Variants in ASIC2 observed in about 807,000 individuals in gnomAD.
The protein encoded by ASIC2 is acid-sensing ion channel 2.
Under a neutral mutation model 57.3 loss-of-function variants are expected in ASIC2, and 25 were observed. The ratio of observed to expected loss-of-function variants is 0.44; its 90% confidence interval spans 0.32 to 0.61. ASIC2 has a LOEUF of 0.61. ASIC2 is among the 20% of genes least tolerant of loss of function. ASIC2 has a pLI of 0.06. For synonymous variants in ASIC2, 319 were observed against 307.5 expected (o/e 1.04, Z -0.39); for missense variants, 641 against 738.1 (o/e 0.87, Z 1.52).
At position 33,023,710 on chromosome 17, in the gene ASIC2, A is replaced by G. The variant is rs567323888; in HGVS notation, c.1349+151T>C. ...TCATCTTTGTCTTTGTATTCTGAACATGGAGCGCAGAGCGTGACACACAGA... is the reference window on the plus strand; with the variant it reads ...TCATCTTTGTCTTTGTATTCTGAACGTGGAGCGCAGAGCGTGACACACAGA... On this transcript the variant is annotated intron_variant, in intron 6 of 9. Coordinates refer to ENST00000225823, the MANE Select transcript of ASIC2 (RefSeq NM_183377.2). 68 of 1,053,414 alleles carry G rather than the reference A, an allele frequency of 6.5e-5. No individual in the cohort carries two copies. The South Asian group carries it at 1.1e-3, about 17-fold the overall frequency. 65.3% of individuals were successfully genotyped at this position (1,053,414 alleles called of 1,614,324 possible).
At chr17:33,231,842 G>T (rs976970703) in intron 1 of ASIC2, among the ~76,000 whole-genome samples, 1 of 152,178 alleles carries the variant, frequency 6.6e-6, no homozygotes, top group African/African-American at 2.4e-5. Context: ...GCAAAACAAT[G>T]TTTGCTCAAA....
chr17:33,625,172 TATC>T (rs34161497), intron 1 of ASIC2, among the ~76,000 whole-genome samples: 1 of 148,938 alleles, frequency 6.7e-6, no homozygotes, highest in Non-Finnish European at 1.5e-5. Context: ...TCTATCTATC[TATC>T]ATCTATTATC....
At chr17:33,588,594 T>C (rs12944517) in intron 1 of ASIC2, among the ~76,000 whole-genome samples, 27,622 of 152,222 alleles carry the variant, frequency 0.18, 2,847 homozygotes, top group Non-Finnish European at 0.23. Flanking sequence ...CTCTTGAAGC[T>C]TACTGTCGAA....
intron 1 of ASIC2, among the ~76,000 whole-genome samples, chr17:33,881,966 AC>A (rs1914711263): frequency 6.6e-6 from 1 of 152,142 alleles, no homozygotes; most frequent in Non-Finnish European, 1.5e-5. Context: ...CACATCTACA[AC>A]CATCTGATCT....
At chr17:33,813,673 T>G (rs953305806) in intron 1 of ASIC2, among the ~76,000 whole-genome samples, 2 of 152,208 alleles carry the variant, frequency 1.3e-5, no homozygotes, top group African/African-American at 4.8e-5. Flanking sequence ...CCTGACCTCA[T>G]GATCCGCCCG....
chr17:33,907,823 G>A (rs538946004), intron 1 of ASIC2, among the ~76,000 whole-genome samples: 7 of 152,214 alleles, frequency 4.6e-5, no homozygotes, highest in African/African-American at 1.7e-4. Flanking sequence ...GTCTTTAATT[G>A]TAGGCTCTTA....
intron 3 of ASIC2, among the ~76,000 whole-genome samples, chr17:33,036,587 C>G (rs1458145473): frequency 1.5e-5 from 2 of 137,812 alleles, no homozygotes; most frequent in Non-Finnish European, 3.1e-5. Context: ...TGTGCCACCA[C>G]AGCCAGCTAA....
intron 1 of ASIC2, among the ~76,000 whole-genome samples, chr17:33,205,278 C>T (rs904366806): frequency 2.0e-5 from 3 of 152,242 alleles, no homozygotes; most frequent in Admixed American, 2.0e-4. Context: ...CTGAGAACAG[C>T]ACAGCCAATA....
At chr17:34,090,274 T>C (rs868239697) in intron 1 of ASIC2, among the ~76,000 whole-genome samples, 1 of 152,212 alleles carries the variant, frequency 6.6e-6, no homozygotes, top group South Asian at 2.1e-4. Context: ...TGCCCACACA[T>C]TCCCAAATGC....
At chr17:33,549,138 GGACATGGCAGGCAT>G in intron 1 of ASIC2, among the ~76,000 whole-genome samples, 1 of 152,234 alleles carries the variant, frequency 6.6e-6, no homozygotes, top group East Asian at 1.9e-4. Flanking sequence ...ACAGTGCCCG[GGACATGGCAGGCAT>G]GCAATAAATA....
intron 1 of ASIC2, among the ~76,000 whole-genome samples, chr17:33,420,169 T>C (rs1910996183): frequency 6.6e-6 from 1 of 152,238 alleles, no homozygotes; most frequent in African/African-American, 2.4e-5. Flanking sequence ...TGCTAGCTGC[T>C]GAGCTTCTCA....
At chr17:33,970,513 G>A (rs1441983784) in intron 1 of ASIC2, among the ~76,000 whole-genome samples, 3 of 152,210 alleles carry the variant, frequency 2.0e-5, no homozygotes, top group Non-Finnish European at 4.4e-5. Flanking sequence ...AGCAGCCGTG[G>A]CATCACAGTT....
intron 1 of ASIC2, among the ~76,000 whole-genome samples, chr17:33,349,142 G>A (rs776964842): frequency 6.6e-6 from 1 of 152,182 alleles, no homozygotes; most frequent in Non-Finnish European, 1.5e-5. Context: ...CTTCTCACCT[G>A]TACCTATTGT....
At chr17:33,224,895 T>A (rs552844238) in intron 1 of ASIC2, among the ~76,000 whole-genome samples, 1 of 152,306 alleles carries the variant, frequency 6.6e-6, no homozygotes, top group Non-Finnish European at 1.5e-5. Flanking sequence ...TGGTAGGAAG[T>A]GATCCAATGC....
intron 1 of ASIC2, among the ~76,000 whole-genome samples, chr17:33,734,342 C>G (rs886119217): frequency 3.3e-5 from 5 of 152,154 alleles, no homozygotes; most frequent in Non-Finnish European, 5.9e-5. Context: ...CGGGCTCCCA[C>G]GTGAGGTCGA....
intron 1 of ASIC2, among the ~76,000 whole-genome samples, chr17:33,990,456 G>C (rs1905965454): frequency 6.6e-6 from 1 of 152,210 alleles, no homozygotes; most frequent in African/African-American, 2.4e-5. Flanking sequence ...AGGACTAGAG[G>C]AAATGGCTGA....
At chr17:33,228,546 A>G (rs1907971184) in intron 1 of ASIC2, among the ~76,000 whole-genome samples, 1 of 152,234 alleles carries the variant, frequency 6.6e-6, no homozygotes, top group Non-Finnish European at 1.5e-5. Context: ...ATAGCCACAC[A>G]ATATGTCTCC....
chr17:33,634,510 T>C lies in ASIC2; in HGVS notation c.555+521468A>G, dbSNP rs1243341982. Among the ~76,000 whole-genome samples, 3 of 141,600 alleles carry C rather than the reference T, an allele frequency of 2.1e-5. No homozygotes were observed. The East Asian group carries it at 6.4e-4, about 30-fold the overall frequency. The allele number at this position is 141,600 out of a possible 152,430, so 92.9% of individuals were successfully genotyped here. A position where few individuals can be genotyped will look rare whatever the true frequency, so the allele number is the denominator to read the frequency against. ...GATATTCAGAGAGAGAAAAACTTTTTTTTCTTTTTTTTTTTTTTTTTTTGA... is the reference window on the plus strand; with the variant it reads ...GATATTCAGAGAGAGAAAAACTTTTCTTTCTTTTTTTTTTTTTTTTTTTGA... On this transcript the variant is annotated intron_variant, in intron 1 of 9. Coordinates refer to the ASIC2 transcript ENST00000359872.
intron 1 of ASIC2, chr17:34,004,904 C>G (rs528824874): frequency 6.6e-6 from 1 of 152,188 alleles, no homozygotes; most frequent in South Asian, 2.1e-4. Context: ...GTAGAGTTCC[C>G]AAGTTCACTG....
Sources: gnomAD v4.1 joint callset for allele counts (sites outside exome capture counted in the v4.1 genomes callset) on GRCh38, gnomAD v4.1.1 for gene constraint, MANE v1.5 for transcripts, NCBI Gene and HGNC (gene_info 2026-07-23, HGNC 2026-07-21) for gene names.